Variants in ADAMTSL1 observed in about 807,000 individuals in gnomAD.
ADAMTSL1 encodes ADAMTS like 1, also known as ADAMTS-like protein 1.
Under a neutral mutation model 201.8 loss-of-function variants are expected in ADAMTSL1, and 126 were observed. That is an observed-to-expected ratio of 0.62 (90% CI 0.54 to 0.72). The LOEUF (loss-of-function observed/expected upper bound fraction) is 0.72. ADAMTSL1 is among the 30% of genes least tolerant of loss of function. The pLI is 0.00. For missense variants in ADAMTSL1, 2,679 were observed against 2,277.8 expected (o/e 1.18, Z -3.59); for synonymous variants, 1,121 against 903.4 (o/e 1.24, Z -4.32).
intron 17 of ADAMTSL1, among the ~76,000 whole-genome samples, chr9:18,771,705 CTTTTTTTTTTTTTT>C (rs374268861): frequency 2.2e-5 from 2 of 91,732 alleles, no homozygotes; most frequent in Non-Finnish European, 4.0e-5. Flanking sequence ...ACCCCAGTGC[CTTTTTTTTTTTTTT>C]TTTTTTTTTT....
chr9:18,707,224 T>G (rs578097371), intron 14 of ADAMTSL1, among the ~76,000 whole-genome samples, 176 bp downstream of exon 14: 24 of 152,340 alleles, frequency 1.6e-4, no homozygotes, highest in African/African-American at 5.5e-4. Flanking sequence ...ATTTGTCTCT[T>G]GGCTCCAGTG....
intron 5 of ADAMTSL1, among the ~76,000 whole-genome samples, chr9:18,625,774 C>T (rs896652252): frequency 5.3e-5 from 8 of 152,194 alleles, no homozygotes; most frequent in Admixed American, 3.9e-4. Flanking sequence ...GCAGAACTCT[C>T]GTCTGTATCT....
rs1563934781 is a variant in ADAMTSL1 at position 18,399,318 on chromosome 9, T to TATATATATATATATAC, written c.208-105500_208-105499insTATACATATATATATA. On this transcript the variant is annotated intron_variant, in intron 2 of 29. Coordinates refer to the ADAMTSL1 transcript ENST00000680146. Reference sequence around the variant, plus strand: ...ATATATATATATATATATATATATATATATATATATAAAATTATTATTTTC... The same window carrying TATATATATATATATAC: ...ATATATATATATATATATATATATATATATATATATATATACATATATATATAAAATTATTATTTTC... 1.1e-4 allele frequency among the ~76,000 whole-genome samples: 11 copies of TATATATATATATATAC among 100,768 alleles called. 1 individual carries two copies. Among genetic ancestry groups the TATATATATATATATAC allele is most frequent in the African/African-American group, 1.5e-4 (4 of 26,968 alleles). 66.1% of individuals were successfully genotyped at this position (100,768 alleles called of 152,430 possible). A position where few individuals can be genotyped will look rare whatever the true frequency, so the allele number is the denominator to read the frequency against.
chr9:18,133,415 G>A (rs780288783), intron 1 of ADAMTSL1, among the ~76,000 whole-genome samples: 2 of 152,140 alleles, frequency 1.3e-5, no homozygotes, highest in Non-Finnish European at 2.9e-5. Context: ...GGGTGGGCCA[G>A]GGTCTGGGCT....
At chr9:18,086,945 C>T (rs1168067055) in intron 1 of ADAMTSL1, among the ~76,000 whole-genome samples, 1 of 152,066 alleles carries the variant, frequency 6.6e-6, no homozygotes, top group Non-Finnish European at 1.5e-5. Flanking sequence ...TTGCTGATTG[C>T]TTGAAATTTT....
intron 23 of ADAMTSL1, among the ~76,000 whole-genome samples, chr9:18,834,664 A>G (rs73644677): frequency 0.035 from 5,349 of 152,142 alleles, 339 homozygotes; most frequent in African/African-American, 0.12. Flanking sequence ...CCCTAGGTGA[A>G]CACTGATCTG....
chr9:18,378,408 G>A (rs899051754), intron 2 of ADAMTSL1, among the ~76,000 whole-genome samples: 1 of 152,176 alleles, frequency 6.6e-6, no homozygotes, highest in Non-Finnish European at 1.5e-5. Context: ...ACTAAGCCAG[G>A]GAGGGATATA....
intron 1 of ADAMTSL1, among the ~76,000 whole-genome samples, chr9:18,124,083 T>TG (rs1825625671): frequency 7.0e-6 from 1 of 142,976 alleles, no homozygotes; most frequent in Admixed American, 7.0e-5. Context: ...GCCAGTTTTT[T>TG]TTTTTTTTTT....
intron 2 of ADAMTSL1, among the ~76,000 whole-genome samples, chr9:18,291,586 CTT>C (rs1563863601): frequency 6.6e-6 from 1 of 152,058 alleles, no homozygotes; most frequent in East Asian, 1.9e-4. Context: ...CTTTGTCTGT[CTT>C]TATACTTCCC....
rs149946900 is a variant in ADAMTSL1 at position 18,229,175 on chromosome 9, G to C, written c.207+65194G>C. On this transcript the variant is annotated intron_variant, in intron 2 of 29. Coordinates refer to the ADAMTSL1 transcript ENST00000680146. Reference sequence around the variant, plus strand: ...ATTTTAGGAGGAGGTGAGCAGCTCGGATCATCCCTGGATCACTGCACACCA... The same window carrying C: ...ATTTTAGGAGGAGGTGAGCAGCTCGCATCATCCCTGGATCACTGCACACCA... Among the ~76,000 whole-genome samples, 220 of 152,240 alleles carry C rather than the reference G, an allele frequency of 1.4e-3. 5 individuals are homozygous for C. The East Asian group carries it at 0.033, about 23-fold the overall frequency.
At chr9:18,369,374 A>G (rs1279191285) in intron 2 of ADAMTSL1, among the ~76,000 whole-genome samples, 1 of 152,222 alleles carries the variant, frequency 6.6e-6, no homozygotes, top group East Asian at 1.9e-4. Flanking sequence ...AAAATATGAT[A>G]AAGTGTTCAA....
chr9:18,392,831 T>C (rs1838107152), intron 2 of ADAMTSL1, among the ~76,000 whole-genome samples: 1 of 152,226 alleles, frequency 6.6e-6, no homozygotes, highest in African/African-American at 2.4e-5. Context: ...TTCCTTTTCT[T>C]CACCTACCTC....
At chr9:18,436,317 CAG>C (rs1235951377) in intron 2 of ADAMTSL1, among the ~76,000 whole-genome samples, 4 of 152,162 alleles carry the variant, frequency 2.6e-5, no homozygotes, top group African/African-American at 9.7e-5. Context: ...TGGTCAGTGT[CAG>C]AGAAAGGCAT....
At chr9:18,858,961 T>C (rs913663447) in intron 23 of ADAMTSL1, among the ~76,000 whole-genome samples, 3 of 152,172 alleles carry the variant, frequency 2.0e-5, no homozygotes, top group African/African-American at 4.8e-5. Context: ...ATTAACTACT[T>C]GCTCTACATC....
At chr9:17,926,151 A>G (rs1826517743) in intron 1 of ADAMTSL1, among the ~76,000 whole-genome samples, 1 of 152,160 alleles carries the variant, frequency 6.6e-6, no homozygotes, top group South Asian at 2.1e-4. Context: ...AATCATTGTC[A>G]TACTGCTTGT....
At position 18,715,332 on chromosome 9, in the gene ADAMTSL1, G is replaced by C. The variant is rs146315890; in HGVS notation, c.1877-6204G>C. ...TGAAGATGACATGATTGTATATCTA[G>C]AAATCCCCATTGTCTCAGCCCAAAA... On this transcript the variant is annotated intron_variant, in intron 14 of 28. Transcript: ENST00000380548. Among the ~76,000 whole-genome samples the C allele has an allele frequency of 8.1e-3, 1,227 of 152,116 alleles. 23 individuals carry two copies. The highest frequency in any genetic ancestry group is 0.028 in the African/African-American group (1,150 of 41,498).
chr9:17,935,381 G>A (rs1826963179), intron 1 of ADAMTSL1, among the ~76,000 whole-genome samples: 1 of 152,104 alleles, frequency 6.6e-6, no homozygotes, highest in South Asian at 2.1e-4. Context: ...CAGTATCACA[G>A]CTTGAAATAC....
chr9:18,513,760 T>G (rs1818183427), intron 2 of ADAMTSL1, among the ~76,000 whole-genome samples: 1 of 152,244 alleles, frequency 6.6e-6, no homozygotes, highest in African/African-American at 2.4e-5. Flanking sequence ...CTTGGAACCT[T>G]TGTCAAAGAT....
At chr9:18,477,600 A>G (rs1040556284) in intron 1 of ADAMTSL1, among the ~76,000 whole-genome samples, 1 of 152,178 alleles carries the variant, frequency 6.6e-6, no homozygotes, top group African/African-American at 2.4e-5. Context: ...ATGCACAAGC[A>G]CTTTTCTATA....
Sources: allele counts gnomAD v4.1 joint callset (sites outside exome capture counted in the v4.1 genomes callset), GRCh38; gene constraint gnomAD v4.1.1; transcripts MANE v1.5; gene names NCBI Gene and HGNC (gene_info 2026-07-23, HGNC 2026-07-21).